The following CEP95 variants were observed in gnomAD, a reference collection of about 807,000 sequenced individuals.
CEP95 encodes centrosomal protein of 95 kDa.
Under a neutral mutation model 111.2 loss-of-function variants are expected in CEP95, and 98 were observed. That is an observed-to-expected ratio of 0.88 (90% confidence interval 0.75 to 1.04). The LOEUF (loss-of-function observed/expected upper bound fraction) is 1.04. Ranked by LOEUF, CEP95 falls within the 50% of genes least tolerant of loss-of-function variation. The probability of loss-of-function intolerance (pLI) is 0.00; values close to 1 mark genes in which losing one functional copy is unlikely to be tolerated. For synonymous variants in CEP95, 323 were observed against 327.1 expected (o/e 0.99, Z 0.14); for missense variants, 1,027 against 977.2 (o/e 1.05, Z -0.68).
At chr17:64,523,595 T>C (rs1171414539) in intron 8 of CEP95, among the ~76,000 whole-genome samples, 1 of 151,550 alleles carries the variant, frequency 6.6e-6, no homozygotes, top group Non-Finnish European at 1.5e-5. Context: ...ACCTTTTTTA[T>C]ATAGTCATCC....
chr17:64,517,742 C>T (rs1223965503), intron 5 of CEP95, among the ~76,000 whole-genome samples: 3 of 149,284 alleles, frequency 2.0e-5, no homozygotes, highest in Non-Finnish European at 4.4e-5. Context: ...CTATATTGAC[C>T]AGGCTGGTCT....
chr17:64,526,574 T>C (rs1967839925), intron 10 of CEP95, among the ~76,000 whole-genome samples: 1 of 152,232 alleles, frequency 6.6e-6, no homozygotes, highest in Non-Finnish European at 1.5e-5. Context: ...AGTTTTAAGG[T>C]ATCATTGAAT....
intron 15 of CEP95, 27 bp from the exon 16 acceptor site, chr17:64,533,090 C>G: frequency 6.2e-7 from 1 of 1,606,052 alleles, no homozygotes; most frequent in Non-Finnish European, 8.5e-7. Context: ...CATTATTAAC[C>G]TACTTAACTT....
intron 4 of CEP95, among the ~76,000 whole-genome samples, chr17:64,516,275 A>AT (rs2039139338): frequency 1.3e-5 from 2 of 152,200 alleles, no homozygotes; most frequent in African/African-American, 2.4e-5. Context: ...TTCTTCAAGT[A>AT]TGGTGGGGTG....
chr17:64,514,244 C>T lies in CEP95; in HGVS notation c.257-4C>T, dbSNP rs1555675819. 1 of 1,192,132 alleles carries T rather than the reference C, an allele frequency of 8.4e-7. No individual in the cohort carries two copies. Among genetic ancestry groups the T allele is most frequent in the African/African-American group, 1.5e-5 (1 of 66,150 alleles). The allele number at this position is 1,192,132 out of a possible 1,614,324, so 73.8% of individuals were successfully genotyped here. On this transcript the variant is annotated splice_region_variant and splice_polypyrimidine_tract_variant and intron_variant, in intron 3 of 19. Coordinates refer to ENST00000556440, the MANE Select transcript of CEP95 (RefSeq NM_138363.3). ...TTTTTAATAGCTCTATATTCTGTCT[C>T]CAGGAGAAAATATAGTGAAAGGAGA...
intron 16 of CEP95, 197 bp from the exon 17 acceptor site, chr17:64,534,388 G>T: frequency 1.9e-6 from 1 of 539,444 alleles, no homozygotes; most frequent in Non-Finnish European, 3.3e-6. Context: ...CTCTGCTGCA[G>T]TGGGGTGTTA....
chr17:64,534,596 G>T lies in CEP95; in HGVS notation c.1929G>T (p.Lys643Asn). 6.2e-7 allele frequency: 1 copy of T among 1,613,786 alleles called. No homozygotes were observed. The highest frequency in any genetic ancestry group is 1.1e-5 in the South Asian group (1 of 91,064). The change falls in exon 17 of 20, where the codon AAG (lysine) becomes AAT (asparagine). Residue 643 changes from lysine (K) to asparagine (N), a missense_variant. By Grantham distance (94) the Lys-to-Asn change is moderately conservative. Transcript: ENST00000556440. ...YEHNKRLQDF[K>N]DCIRRQRLTQ... ...TTTCCCTTTCTTAGCAAGACTTCAA[G>T]GACTGCATTCGTAGGCAAAGGTTGA...
intron 8 of CEP95, among the ~76,000 whole-genome samples, chr17:64,524,325 T>C (rs1967622413): frequency 6.6e-6 from 1 of 152,230 alleles, no homozygotes; most frequent in African/African-American, 2.4e-5. Context: ...TTATTTTTTT[T>C]TGAGACAGAG....
intron 8 of CEP95, 24 bp from the exon 9 acceptor site, chr17:64,525,746 C>A (rs782478738): frequency 9.4e-6 from 14 of 1,484,486 alleles, no homozygotes; most frequent in Non-Finnish European, 1.3e-5. Flanking sequence ...TTTTTCAAAT[C>A]AACTTTTTTT....
At position 64,508,844 on chromosome 17, in the gene CEP95, A is replaced by G. The variant is rs187600805; in HGVS notation, c.148+124A>G. The G allele has an allele frequency of 2.9e-3, 735 of 255,578 alleles. 7 individuals are homozygous for G. Among genetic ancestry groups the G allele is most frequent in the Middle Eastern group, 4.7e-3 (3 of 642 alleles). The allele number at this position is 255,578 out of a possible 1,614,324, so 15.8% of individuals were successfully genotyped here. On this transcript the variant is annotated intron_variant, in intron 2 of 19. Transcript: ENST00000556440. ...CTCTTTGCTTGTTTCTTTTTTTAAT[A>G]TTGCATATTAAATTCTATATTAATA...
intron 3 of CEP95, among the ~76,000 whole-genome samples, chr17:64,513,642 G>A (rs758387711): frequency 3.9e-5 from 6 of 152,118 alleles, no homozygotes; most frequent in Admixed American, 6.6e-5. Context: ...CAGAAAGGGA[G>A]CCAGGGAAAG....
chr17:64,522,630 T>G (rs1414377782), intron 7 of CEP95, 72 bp from the exon 8 acceptor site: 3 of 882,724 alleles, frequency 3.4e-6, no homozygotes, highest in South Asian at 1.7e-5. Context: ...TATATAGGTA[T>G]GTATGTATGT....
At chr17:64,512,547 T>C (rs897682268) in intron 3 of CEP95, among the ~76,000 whole-genome samples, 2 of 152,244 alleles carry the variant, frequency 1.3e-5, no homozygotes, top group African/African-American at 4.8e-5. Context: ...AGCTTATGAA[T>C]AGAGGGAATA....
rs782180745 is a variant in CEP95 at position 64,527,889 on chromosome 17, TATAC to T, written c.1306+627_1306+630del. On this transcript the variant is annotated intron_variant, in intron 11 of 19. Transcript: ENST00000556440. ...GTGTGTGTATATATATATATATATA[TATAC>T]ACACACACACACACGCGTGTAGCAC... Among the ~76,000 whole-genome samples, 660 of 142,970 alleles carry T rather than the reference TATAC, an allele frequency of 4.6e-3. 5 individuals are homozygous for T. Among genetic ancestry groups the T allele is most frequent in the African/African-American group, 0.015 (599 of 39,712 alleles). 93.8% of individuals were successfully genotyped at this position (142,970 alleles called of 152,430 possible).
chr17:64,519,910 A>T (rs943081052), intron 6 of CEP95, among the ~76,000 whole-genome samples: 15 of 152,166 alleles, frequency 9.9e-5, no homozygotes, highest in Non-Finnish European at 2.2e-4. Flanking sequence ...TGAGCCTCCA[A>T]CCTTGCCCTC....
chr17:64,526,249 G>A (rs1385062792), intron 10 of CEP95, 49 bp downstream of exon 10: 3 of 1,517,052 alleles, frequency 2.0e-6, no homozygotes, highest in South Asian at 2.6e-5. Flanking sequence ...GGTTAAGTGA[G>A]CATTTAAGTA....
intron 8 of CEP95, among the ~76,000 whole-genome samples, chr17:64,525,077 A>G (rs1303381650): frequency 1.3e-5 from 2 of 151,964 alleles, no homozygotes; most frequent in Admixed American, 6.6e-5. Context: ...ACGGTAGCTC[A>G]TGCCTGTAAT....
intron 5 of CEP95, among the ~76,000 whole-genome samples, chr17:64,518,617 A>G (rs72844234): frequency 0.015 from 2,340 of 152,286 alleles, 35 homozygotes; most frequent in Non-Finnish European, 0.024. Flanking sequence ...AGCACAGGCA[A>G]TGCCTTCTTT....
In CEP95 at chr17:64,521,278, A is replaced by C; in HGVS notation, c.590-124A>C. On this transcript the variant is annotated intron_variant, in intron 6 of 19. Coordinates refer to ENST00000556440, the MANE Select transcript of CEP95 (RefSeq NM_138363.3). ...ATTGGTATTTTGAGCAGTTGGACCA[A>C]CATTATTTCGTTCAACATTATTTAA... is the stretch of plus-strand genomic sequence containing the variant. 3 of 670,664 alleles carry C rather than the reference A, an allele frequency of 4.5e-6. No homozygotes were observed. The Admixed American group carries it at 9.1e-5, about 20-fold the overall frequency. 41.5% of individuals were successfully genotyped at this position (670,664 alleles called of 1,614,324 possible). A position where few individuals can be genotyped will look rare whatever the true frequency, so the allele number is the denominator to read the frequency against.
Sources: allele counts gnomAD v4.1 joint callset (sites outside exome capture counted in the v4.1 genomes callset), GRCh38; gene constraint gnomAD v4.1.1; transcripts MANE v1.5; gene names NCBI Gene and HGNC (gene_info 2026-07-23, HGNC 2026-07-21).